ERC1: variants seen among roughly 807,000 people sequenced by gnomAD.
ERC1 encodes RAB6 interacting protein 2.
ERC1 carries 56 observed loss-of-function variants against 132.0 expected under a neutral mutation model. The ratio of observed to expected loss-of-function variants is 0.42; its 90% CI spans 0.34 to 0.53. The LOEUF (loss-of-function observed/expected upper bound fraction) is 0.53. Ranked by LOEUF, ERC1 falls within the 20% of genes least tolerant of loss-of-function variation. ERC1 has a pLI of 0.03. For synonymous variants in ERC1, 478 were observed against 476.1 expected, an observed-to-expected ratio of 1.00 and a Z score of -0.05; for missense variants, 1,202 against 1,349.9, an observed-to-expected ratio of 0.89 and a Z score of 1.72.
chr12:1,446,994 TG>T (rs1177114125), intron 18 of ERC1, among the ~76,000 whole-genome samples: 1 of 147,866 alleles, frequency 6.8e-6, no homozygotes, highest in East Asian at 2.0e-4. Context: ...TGCTCCAGCC[TG>T]GGTGGTGACA....
intron 17 of ERC1, among the ~76,000 whole-genome samples, chr12:1,410,991 G>A (rs1254372258): frequency 3.3e-5 from 5 of 151,784 alleles, no homozygotes; most frequent in Admixed American, 6.6e-5. Flanking sequence ...TCAGCACCTC[G>A]GACACATCCC....
intron 12 of ERC1, among the ~76,000 whole-genome samples, chr12:1,233,771 A>C (rs910481660): frequency 1.8e-4 from 28 of 152,170 alleles, no homozygotes; most frequent in African/African-American, 6.8e-4. Flanking sequence ...AAAAGGGTAC[A>C]TTGGAGGAGG....
intron 18 of ERC1, among the ~76,000 whole-genome samples, chr12:1,470,909 G>A (rs901599021): frequency 3.3e-5 from 5 of 152,198 alleles, no homozygotes; most frequent in East Asian, 1.9e-4. Context: ...GGGATACCAC[G>A]TCACAGTTCC....
At chr12:1,012,580 C>G (rs1172998070) in intron 1 of ERC1, among the ~76,000 whole-genome samples, 1 of 145,718 alleles carries the variant, frequency 6.9e-6, no homozygotes, top group African/African-American at 2.5e-5. Context: ...TCAAGCTATT[C>G]TTCTGCCTCA....
chr12:1,105,606 C>T (rs1342616509), intron 4 of ERC1, among the ~76,000 whole-genome samples: 1 of 152,162 alleles, frequency 6.6e-6, no homozygotes, highest in East Asian at 1.9e-4. Flanking sequence ...ATCCGCCCGC[C>T]TCGGCCTCCC....
chr12:1,361,136 A>G (rs1465759615), intron 15 of ERC1, among the ~76,000 whole-genome samples: 1 of 150,588 alleles, frequency 6.6e-6, no homozygotes, highest in East Asian at 1.9e-4. Flanking sequence ...TGGAAGATGA[A>G]TGGAAGATAC....
intron 1 of ERC1, among the ~76,000 whole-genome samples, chr12:1,011,141 T>A (rs1395174287): frequency 6.6e-6 from 1 of 152,166 alleles, no homozygotes; most frequent in African/African-American, 2.4e-5. Flanking sequence ...GGATGAAGTG[T>A]TCACCCTGGA....
At chr12:1,031,095 T>C (rs1967951046) in intron 2 of ERC1, among the ~76,000 whole-genome samples, 1 of 152,242 alleles carries the variant, frequency 6.6e-6, no homozygotes, top group Admixed American at 6.5e-5. Context: ...CTGTTTTGGC[T>C]ACTTGAAGAT....
intron 15 of ERC1, among the ~76,000 whole-genome samples, chr12:1,347,021 G>A (rs1000507325): frequency 1.3e-5 from 2 of 151,976 alleles, no homozygotes; most frequent in African/African-American, 4.8e-5. Flanking sequence ...TTTGAGGATG[G>A]TATGTTGTAG....
chr12:1,025,830 C>T (rs1966857265), intron 1 of ERC1, among the ~76,000 whole-genome samples: 1 of 143,876 alleles, frequency 7.0e-6, no homozygotes, highest in Non-Finnish European at 1.5e-5. Context: ...CGGAGTCTCG[C>T]TCTTGTCACC....
chr12:1,235,740 T>A (rs2075369832), intron 12 of ERC1, among the ~76,000 whole-genome samples: 1 of 151,990 alleles, frequency 6.6e-6, no homozygotes, highest in Admixed American at 6.6e-5. Flanking sequence ...CTAGCAAGAG[T>A]ATAAATTAAT....
chr12:1,130,533 C>A (rs1344066843), intron 7 of ERC1, among the ~76,000 whole-genome samples: 2 of 151,990 alleles, frequency 1.3e-5, no homozygotes, highest in East Asian at 3.9e-4. Context: ...TTTGTGTAGC[C>A]AATACTGTGT....
At chr12:1,056,084 T>TAAAA (rs60332254) in intron 2 of ERC1, among the ~76,000 whole-genome samples, 4 of 145,358 alleles carry the variant, frequency 2.8e-5, no homozygotes, top group African/African-American at 1.0e-4. Context: ...TTTTTTTTTT[T>TAAAA]AAAAAAAAGG....
intron 17 of ERC1, among the ~76,000 whole-genome samples, chr12:1,414,553 C>T (rs1028330082): frequency 6.6e-6 from 1 of 152,300 alleles, no homozygotes; most frequent in African/African-American, 2.4e-5. Flanking sequence ...ACTCATAGAT[C>T]TCAGTGGTGC....
At chr12:1,043,344 G>A (rs2154161685) in intron 2 of ERC1, among the ~76,000 whole-genome samples, 1 of 152,224 alleles carries the variant, frequency 6.6e-6, no homozygotes, top group South Asian at 2.1e-4. Context: ...CGCCCGGCCT[G>A]TACAGAGTAT....
intron 13 of ERC1, among the ~76,000 whole-genome samples, chr12:1,253,790 A>G (rs2076616021): frequency 1.3e-5 from 2 of 152,182 alleles, no homozygotes; most frequent in South Asian, 2.1e-4. Flanking sequence ...TGGGAGTGGT[A>G]TCATGGGAGT....
At chr12:1,092,090 C>G (rs1943310496) in intron 3 of ERC1, among the ~76,000 whole-genome samples, 1 of 151,588 alleles carries the variant, frequency 6.6e-6, no homozygotes, top group Non-Finnish European at 1.5e-5. Context: ...CCTGCGCCCC[C>G]TGGGTTCAAG....
intron 15 of ERC1, among the ~76,000 whole-genome samples, chr12:1,337,725 G>A (rs1488207454): frequency 6.6e-6 from 1 of 152,180 alleles, no homozygotes; most frequent in African/African-American, 2.4e-5. Context: ...GCTCTTGTAA[G>A]GCAGGTTTGA....
chr12:1,009,804 A>G (rs1298943222), intron 1 of ERC1, among the ~76,000 whole-genome samples: 3 of 152,320 alleles, frequency 2.0e-5, no homozygotes, highest in East Asian at 3.9e-4. Context: ...TGTTCATTAT[A>G]AACTAGATAC....
Sources: allele counts gnomAD v4.1 joint callset (sites outside exome capture counted in the v4.1 genomes callset), GRCh38; gene constraint gnomAD v4.1.1; transcripts MANE v1.5; gene names NCBI Gene and HGNC (gene_info 2026-07-23, HGNC 2026-07-21).